Variants in ANKRD30A observed in about 807,000 individuals in gnomAD.
The protein encoded by ANKRD30A is ankyrin repeat domain-containing protein 30A.
Under a neutral mutation model 166.3 loss-of-function variants are expected in ANKRD30A, and 170 were observed. That is an observed-to-expected ratio of 1.02 (90% confidence interval 0.90 to 1.16). The LOEUF is 1.16. Among genes scored for constraint, ANKRD30A ranks in the 50% most tolerant of loss-of-function variants. The pLI, the probability that ANKRD30A is intolerant of heterozygous loss-of-function variation, is 0.00. For missense variants in ANKRD30A, 1,630 were observed against 1,518.0 expected, an observed-to-expected ratio of 1.07 and a Z score of -1.23; for synonymous variants, 564 against 508.9, an observed-to-expected ratio of 1.11 and a Z score of -1.46.
At chr10:37,252,196 C>G in the ANKRD30A span, among the ~76,000 whole-genome samples, 1 of 152,126 alleles carries the variant, frequency 6.6e-6, no homozygotes, top group Non-Finnish European at 1.5e-5. Flanking sequence ...GAAAAGAGAA[C>G]ATAGTTACCA....
At chr10:37,260,277 T>C in the ANKRD30A span, among the ~76,000 whole-genome samples, 113 of 152,298 alleles carry the variant, frequency 7.4e-4, no homozygotes, top group African/African-American at 2.5e-3. Context: ...GCTGCCTTCT[T>C]GGGGTTAGTT....
rs1252262842 is a variant in ANKRD30A at position 37,219,868 on chromosome 10, C to G, written c.4156C>G (p.Gln1386Glu). 1 of 1,533,996 alleles carries G rather than the reference C, an allele frequency of 6.5e-7. No individual in the cohort carries two copies. The highest frequency in any genetic ancestry group is 1.4e-5 in the African/African-American group (1 of 70,510). Residue 1386 changes from glutamine (Q) to glutamate (E), a missense_variant, in exon 34 of 36, where the codon CAA becomes GAA. By Grantham distance (29) the Gln-to-Glu change is conservative. Transcript: ENST00000361713. ...YNNHLKNRIY[Q>E]YEKEKAETEN... ...TAACCATTTAAAAAACCGTATATAT[C>G]AATATGAAAAAGAGAAAGCAGAAAC...
At chr10:37,212,579 G>T (rs1191541603) in intron 31 of ANKRD30A, among the ~76,000 whole-genome samples, 2 of 152,004 alleles carry the variant, frequency 1.3e-5, no homozygotes, top group African/African-American at 2.4e-5. Context: ...TAAGCCAAAA[G>T]AACAAAGCTG....
At chr10:37,191,065 C>A (rs941087674) in intron 25 of ANKRD30A, among the ~76,000 whole-genome samples, 3 of 151,720 alleles carry the variant, frequency 2.0e-5, no homozygotes, top group Admixed American at 1.3e-4. Flanking sequence ...AGGTATTTTA[C>A]TGATTTTAAC....
chr10:37,183,103 T>C lies in ANKRD30A; in HGVS notation c.2422-6364T>C, dbSNP rs561272481. ...AGTCGACATTAAATGGCAGCTGATA[T>C]CACAGAGCTTTTACTGAAGTGGGAG... is the stretch of plus-strand genomic sequence containing the variant. On this transcript the variant is annotated intron_variant, in intron 24 of 35. Transcript: ENST00000361713. 7.3e-4 allele frequency among the ~76,000 whole-genome samples: 109 copies of C among 149,380 alleles called. 6 individuals are homozygous for C. The highest frequency in any genetic ancestry group is 2.6e-3 in the African/African-American group (106 of 40,810).
At chr10:37,166,810 A>G in intron 19 of ANKRD30A, 115 bp downstream of exon 19, 1 of 1,417,752 alleles carries the variant, frequency 7.1e-7, no homozygotes, top group Non-Finnish European at 9.5e-7. Context: ...ACCATGGAAA[A>G]AAAGAGAAGT....
At chr10:37,232,904 AAAAC>A (rs1843513823), downstream of ANKRD30A, among the ~76,000 whole-genome samples, 1 of 149,706 alleles carries the variant, frequency 6.7e-6, no homozygotes. Context: ...AAAAAAAAAA[AAAAC>A]AAAATAAATT....
In ANKRD30A at chr10:37,125,792, A is replaced by C; in HGVS notation, c.5A>C (p.Glu2Ala). The C allele has an allele frequency of 1.5e-6, 1 of 677,090 alleles. No homozygotes were observed. The highest frequency in any genetic ancestry group is 1.8e-5 in the South Asian group (1 of 55,054). 41.9% of individuals were successfully genotyped at this position (677,090 alleles called of 1,614,324 possible). Residue 2 changes from glutamate (E) to alanine (A), a missense_variant, in exon 1 of 36, where the codon GAG becomes GCG. By Grantham distance (107) the Glu-to-Ala change is moderately radical. Coordinates refer to ENST00000361713, the MANE Select transcript of ANKRD30A (RefSeq NM_052997.3). MEEISAAAVKVV... is the reference protein window; with the variant it reads MAEISAAAVKVV... ...CTCTAGCAGGTGGCCGCAGCCATGGAGGAGATCTCTGCCGCCGCTGTCAAG... is the reference window on the plus strand; with the variant it reads ...CTCTAGCAGGTGGCCGCAGCCATGGCGGAGATCTCTGCCGCCGCTGTCAAG...
chr10:37,125,874 C>G lies in ANKRD30A; in HGVS notation c.87C>G (p.Asn29Lys). 1 of 1,493,642 alleles carries G rather than the reference C, an allele frequency of 6.7e-7. No individual in the cohort carries two copies. The highest frequency in any genetic ancestry group is 9.3e-7 in the Non-Finnish European group (1 of 1,077,702). The allele number at this position is 1,493,642 out of a possible 1,614,324, so 92.5% of individuals were successfully genotyped here. A position where few individuals can be genotyped will look rare whatever the true frequency, so the allele number is the denominator to read the frequency against. The change falls in exon 1 of 36, where the codon AAC (asparagine) becomes AAG (lysine). Residue 29 changes from asparagine to lysine, a missense_variant. Physicochemically the swap from Asn to Lys is moderately conservative, Grantham distance 94. Around this residue, in one of 4 missense-constraint regions of ANKRD30A, gnomAD observed 904 missense variants for 818.5 expected, o/e 1.10. Coordinates refer to ENST00000361713, the MANE Select transcript of ANKRD30A (RefSeq NM_052997.3). The stretch of plus-strand genomic sequence containing the variant: ...TCAGCCAGCTAGTCTATACCAGCAA[C>G]GACTCCTACATCGTCCACTCTGGGG... Reference protein sequence around the residue: ...SPFSQLVYTSNDSYIVHSGDL... With the variant: ...SPFSQLVYTSKDSYIVHSGDL...
intron 19 of ANKRD30A, among the ~76,000 whole-genome samples, chr10:37,166,973 A>C (rs1839403442): frequency 6.6e-6 from 1 of 152,104 alleles, no homozygotes; most frequent in Non-Finnish European, 1.5e-5. Context: ...AATAGAGTAA[A>C]TGAAGACTGA....
At position 37,184,004 on chromosome 10, in the gene ANKRD30A, C is replaced by T. The variant is rs372468502; in HGVS notation, c.2422-5463C>T. Among the ~76,000 whole-genome samples the T allele has an allele frequency of 2.0e-5, 3 of 151,808 alleles. No homozygotes were observed. The South Asian group carries it at 6.3e-4, about 32-fold the overall frequency. ...TCTACTAAAAATACAAAAAATTAGCCGGACGTGGTGGCACGCATTTCTAAT... is the reference window on the plus strand; with the variant it reads ...TCTACTAAAAATACAAAAAATTAGCTGGACGTGGTGGCACGCATTTCTAAT... On this transcript the variant is annotated intron_variant, in intron 24 of 35. Transcript: ENST00000361713.
At chr10:37,216,860 C>T (rs1450614033) in intron 32 of ANKRD30A, among the ~76,000 whole-genome samples, 3 of 150,854 alleles carry the variant, frequency 2.0e-5, no homozygotes, top group Non-Finnish European at 4.5e-5. Flanking sequence ...CATTACAGTT[C>T]AACAAAGAGA....
intron 32 of ANKRD30A, among the ~76,000 whole-genome samples, chr10:37,216,778 G>A (rs1007497811): frequency 6.6e-6 from 1 of 150,868 alleles, no homozygotes; most frequent in African/African-American, 2.4e-5. Flanking sequence ...AAAATATTTG[G>A]TTAAGTTATA....
chr10:37,153,683 A>T (rs773920746), intron 13 of ANKRD30A, 21 bp downstream of exon 13: 4 of 1,609,546 alleles, frequency 2.5e-6, no homozygotes, highest in African/African-American at 2.7e-5. Context: ...TTTTTTATTT[A>T]AAAATCAGTT....
At chr10:37,232,244 T>A (rs962202621) in intron 35 of ANKRD30A, among the ~76,000 whole-genome samples, 51 of 152,124 alleles carry the variant, frequency 3.4e-4, no homozygotes, top group African/African-American at 1.2e-3. Flanking sequence ...CTTGTTTTTT[T>A]TTTAACACAA....
chr10:37,223,243 A>G (rs538384991), intron 34 of ANKRD30A, among the ~76,000 whole-genome samples: 48 of 151,430 alleles, frequency 3.2e-4, no homozygotes, highest in Middle Eastern at 3.4e-3. Context: ...ACCCATTATA[A>G]GTTGAGAATA....
At chr10:37,191,901 A>G (rs1365789972) in intron 25 of ANKRD30A, among the ~76,000 whole-genome samples, 2 of 152,058 alleles carry the variant, frequency 1.3e-5, no homozygotes, top group South Asian at 4.2e-4. Context: ...AGGCTGAGAC[A>G]AAAGAATGGC....
chr10:37,189,668 GA>G, intron 25 of ANKRD30A, 111 bp downstream of exon 25: 1 of 560,050 alleles, frequency 1.8e-6, no homozygotes, highest in Admixed American at 3.5e-5. Context: ...GCAAACCATG[GA>G]AAAAAAGAGA....
chr10:37,165,730 A>C (rs1332252067), intron 18 of ANKRD30A, among the ~76,000 whole-genome samples: 1 of 152,198 alleles, frequency 6.6e-6, no homozygotes, highest in Admixed American at 6.5e-5. Flanking sequence ...TTTGAAAAAT[A>C]TAAATTATAT....
Sources: gnomAD v4.1 joint callset for allele counts (sites outside exome capture counted in the v4.1 genomes callset) on GRCh38, gnomAD v4.1.1 for gene constraint, gnomAD v4.1.1 regional missense constraint, MANE v1.5 for transcripts, NCBI Gene and HGNC (gene_info 2026-07-23, HGNC 2026-07-21) for gene names.